The following PEX26 variants were observed in gnomAD, a reference collection of about 807,000 sequenced individuals.
The protein encoded by PEX26 is peroxisomal biogenesis factor 26.
PEX26 carries 18 observed loss-of-function variants against 31.4 expected under a neutral mutation model. That is an observed-to-expected ratio of 0.57 (90% CI 0.40 to 0.85). PEX26 has a LOEUF of 0.85. Ranked by LOEUF, PEX26 falls within the 40% of genes least tolerant of loss-of-function variation. The pLI is 0.00. For synonymous variants in PEX26, 176 were observed against 166.9 expected (o/e 1.05, Z -0.42); for missense variants, 377 against 383.9 (o/e 0.98, Z 0.15).
chr22:18,085,322 G>T, intron 4 of PEX26, 64 bp downstream of exon 4: 1 of 1,550,096 alleles, frequency 6.5e-7, no homozygotes. Context: ...CTGGGCCTGT[G>T]GGAGTGGGTG....
chr22:18,084,993 T>C (rs1926780205), intron 3 of PEX26, 119 bp from the exon 4 acceptor site: 2 of 1,013,438 alleles, frequency 2.0e-6, no homozygotes, highest in Non-Finnish European at 3.0e-6. Flanking sequence ...AGTGCTGGGA[T>C]TACAGGCATG....
In PEX26 at chr22:18,088,418, A is replaced by G. The variant is rs1602469639; in HGVS notation, c.*343A>G. ...CAAGGGGTTGGTTCTTCAGGTCAGG[A>G]TGTTAATGGAGCTGGAAGTTCAGAA... On this transcript the variant is annotated 3_prime_UTR_variant, in exon 5 of 5. Transcript: ENST00000399744. The surrounding 1 kb of genome is among the most constrained non-coding windows in gnomAD (Gnocchi z 4.1). 1.2e-5 allele frequency: 5 copies of G among 405,732 alleles called. No homozygotes were observed. The East Asian group carries it at 2.9e-4, about 23-fold the overall frequency. 25.1% of individuals were successfully genotyped at this position (405,732 alleles called of 1,614,324 possible).
rs1926945566 is a variant in PEX26, at chr22:18,088,592, AAC to A, written c.*519_*520del. The A allele has an allele frequency of 1.8e-5, 4 of 224,970 alleles. No homozygotes were observed. The highest frequency in any genetic ancestry group is 9.1e-5 in the African/African-American group (4 of 44,112). The allele number at this position is 224,970 out of a possible 1,614,324, so 13.9% of individuals were successfully genotyped here. On this transcript the variant is annotated 3_prime_UTR_variant, in exon 5 of 5. Transcript: ENST00000399744. This position sits in a 1 kb window ranked among gnomAD's most constrained non-coding sequence, Gnocchi z 4.1. ...CCAGGAGTTCAAAACCTGCCTGGCC[AAC>A]ATGGTGAAACCCCATCTCTACTAAA... is the stretch of plus-strand genomic sequence containing the variant.
chr22:18,078,941 C>T, intron 1 of PEX26: 2 of 453,348 alleles, frequency 4.4e-6, no homozygotes, highest in South Asian at 1.9e-5. Flanking sequence ...CCGCCCTCCC[C>T]GCCCCGCCCA....
At position 18,092,275 on chromosome 22, in the gene PEX26, G is replaced by A. The variant is rs1927129602; in HGVS notation, c.*4200G>A. 1 of 152,278 alleles carries A rather than the reference G, an allele frequency of 6.6e-6. No homozygotes were observed. The highest frequency in any genetic ancestry group is 2.4e-5 in the African/African-American group (1 of 41,476). The allele number at this position is 152,278 out of a possible 1,614,324, so 9.4% of individuals were successfully genotyped here. On this transcript the variant is annotated 3_prime_UTR_variant, in exon 5 of 5. Transcript: ENST00000399744. Reference sequence around the variant, plus strand: ...CTCACCGCCCTGGCCTAGCACCTTTGGAAACTGAATACATGGAGTGTTAAC... The same window carrying A: ...CTCACCGCCCTGGCCTAGCACCTTTAGAAACTGAATACATGGAGTGTTAAC...
rs753819254 is a variant in PEX26, at chr22:18,088,180, C to T, written c.*105C>T. The T allele has an allele frequency of 6.0e-6, 5 of 830,168 alleles. No individual in the cohort carries two copies. The highest frequency in any genetic ancestry group is 3.4e-5 in the Admixed American group (2 of 58,532). The allele number at this position is 830,168 out of a possible 1,614,324, so 51.4% of individuals were successfully genotyped here. On this transcript the variant is annotated 3_prime_UTR_variant, in exon 5 of 5. Transcript: ENST00000399744. This position sits in a 1 kb window ranked among gnomAD's most constrained non-coding sequence, Gnocchi z 4.1. ...GCGCCCCTGGGGAAATGGGACCAGC[C>T]TAATCTCGCGGAGTGCACTGTGTCT...
At position 18,101,160 on chromosome 22, in the gene PEX26, T is replaced by G. The variant is rs534533472; in HGVS notation, c.*13085T>G. 1 of 152,360 alleles carries G rather than the reference T, an allele frequency of 6.6e-6. No individual in the cohort carries two copies. The highest frequency in any genetic ancestry group is 2.4e-5 in the African/African-American group (1 of 41,590). The allele number at this position is 152,360 out of a possible 1,614,324, so 9.4% of individuals were successfully genotyped here. On this transcript the variant is annotated 3_prime_UTR_variant, in exon 5 of 5. Coordinates refer to ENST00000399744, the MANE Select transcript of PEX26 (RefSeq NM_001127649.3). ...GAGACTTCTAGAAACAGTGGGACTG[T>G]ATCAGGATCAACAGAAGACTTCTTG...
Position 18,085,202 on chromosome 22 carries a change from A to G in PEX26, c.758A>G (p.Lys253Arg), listed in dbSNP as rs1442402838. ...AVSHFFSLPF[K>R]KSLLAALILC... ...AGCCACTTCTTTTCTCTGCCCTTCA[A>G]AAAGAGTCTCCTGGCTGCCTTGATC... The change falls in exon 4 of 5, where the codon AAA (lysine) becomes AGA (arginine). Residue 253 changes from lysine (K) to arginine (R), a missense_variant. Transcript: ENST00000399744. 5 of 1,614,010 alleles carry G rather than the reference A, an allele frequency of 3.1e-6. No individual in the cohort carries two copies. Among genetic ancestry groups the G allele is most frequent in the Admixed American group, 3.3e-5 (2 of 59,998 alleles).
chr22:18,083,398 C>G, intron 2 of PEX26, 39 bp from the exon 3 acceptor site: 1 of 1,602,496 alleles, frequency 6.2e-7, no homozygotes, highest in Non-Finnish European at 8.5e-7. Flanking sequence ...TGAGCACTGA[C>G]TCTTCTTTTG....
Sources: allele counts gnomAD v4.1 joint callset, GRCh38; gene constraint gnomAD v4.1.1; non-coding constraint Gnocchi (gnomAD v3.1); transcripts MANE v1.5; gene names NCBI Gene and HGNC (gene_info 2026-07-23, HGNC 2026-07-21).